HS3ST4: variants seen among roughly 807,000 people sequenced by gnomAD.
The protein encoded by HS3ST4 is heparan sulfate glucosamine 3-O-sulfotransferase 4.
Under a neutral mutation model 29.2 loss-of-function variants are expected in HS3ST4, and 17 were observed. The observed-to-expected ratio is 0.58, with a 90% CI of 0.40 to 0.87. HS3ST4 has a LOEUF of 0.87. Ranked by LOEUF, HS3ST4 falls within the 40% of genes least tolerant of loss-of-function variation. HS3ST4 has a pLI of 0.00. For missense variants in HS3ST4, 627 were observed against 634.5 expected (o/e 0.99, Z 0.13); for synonymous variants, 314 against 285.7 (o/e 1.10, Z -1.00).
chr16:25,870,936 A>G (rs1967745491), intron 1 of HS3ST4, among the ~76,000 whole-genome samples: 1 of 152,196 alleles, frequency 6.6e-6, no homozygotes, highest in East Asian at 1.9e-4. Flanking sequence ...CTGATCCACA[A>G]AGAAAGGAGA....
chr16:25,994,213 A>G (rs960629496), intron 1 of HS3ST4, among the ~76,000 whole-genome samples: 1 of 152,020 alleles, frequency 6.6e-6, no homozygotes, highest in Admixed American at 6.5e-5. Context: ...TAACATCCCC[A>G]TTGCTCTTAG....
intron 1 of HS3ST4, among the ~76,000 whole-genome samples, chr16:26,123,611 G>C (rs2141812052): frequency 6.6e-6 from 1 of 152,322 alleles, no homozygotes; most frequent in East Asian, 1.9e-4. Flanking sequence ...TAGTGCACCT[G>C]TCAGCCGAGC....
intron 1 of HS3ST4, among the ~76,000 whole-genome samples, chr16:25,780,803 G>A (rs1966851934): frequency 6.6e-6 from 1 of 152,100 alleles, no homozygotes; most frequent in Non-Finnish European, 1.5e-5. Flanking sequence ...TAACCACTAG[G>A]TTAAATGAGC....
At chr16:25,906,413 C>T (rs1968181118) in intron 1 of HS3ST4, among the ~76,000 whole-genome samples, 1 of 152,116 alleles carries the variant, frequency 6.6e-6, no homozygotes, top group Admixed American at 6.6e-5. Context: ...TTCATTTGCT[C>T]ATTCATTAAA....
intron 1 of HS3ST4, among the ~76,000 whole-genome samples, chr16:25,712,969 CTGTT>C (rs1280022445): frequency 6.6e-6 from 1 of 152,180 alleles, no homozygotes; most frequent in African/African-American, 2.4e-5. Flanking sequence ...GGTCTTCCCT[CTGTT>C]TGTTTCTGTC....
At chr16:25,946,093 T>C (rs1437351467) in intron 1 of HS3ST4, among the ~76,000 whole-genome samples, 1 of 152,232 alleles carries the variant, frequency 6.6e-6, no homozygotes, top group African/African-American at 2.4e-5. Flanking sequence ...AGCCACTCTT[T>C]CTGCTGTTCA....
chr16:25,970,034 G>A (rs1035002833), intron 1 of HS3ST4, among the ~76,000 whole-genome samples: 29 of 152,222 alleles, frequency 1.9e-4, no homozygotes, highest in African/African-American at 6.3e-4. Flanking sequence ...ATGAATGCAT[G>A]GGGAAATAAA....
At chr16:25,696,577 C>A (rs1217598946) in intron 1 of HS3ST4, among the ~76,000 whole-genome samples, 1 of 152,056 alleles carries the variant, frequency 6.6e-6, no homozygotes, top group Non-Finnish European at 1.5e-5. Flanking sequence ...CGTCTCACTG[C>A]AACCTCCGCC....
chr16:25,922,323 A>G, intron 1 of HS3ST4, among the ~76,000 whole-genome samples: 1 of 152,210 alleles, frequency 6.6e-6, no homozygotes, highest in Non-Finnish European at 1.5e-5. Context: ...CTTAGCAAAG[A>G]GTCCCCAGAA....
intron 1 of HS3ST4, among the ~76,000 whole-genome samples, chr16:26,079,914 T>C (rs1453660388): frequency 1.3e-5 from 2 of 152,190 alleles, no homozygotes; most frequent in African/African-American, 2.4e-5. Context: ...TGGTCAGGCA[T>C]GTTTTGGGGA....
rs142835731 is a variant in HS3ST4, at chr16:26,084,854, C to T, written c.735-50758C>T. On this transcript the variant is annotated intron_variant, in intron 1 of 1. Transcript: ENST00000331351. ...CAAAATTCTGACCTCAAGTGTTCCC[C>T]CTGCCTCAGCCTCCCAAAGTGCAGG... 3.9e-5 allele frequency among the ~76,000 whole-genome samples: 6 copies of T among 152,262 alleles called. No homozygotes were observed. In the East Asian group the frequency reaches 5.8e-4, roughly 15 times the overall value.
chr16:26,072,507 G>A (rs529943304), intron 1 of HS3ST4, among the ~76,000 whole-genome samples: 2 of 152,274 alleles, frequency 1.3e-5, no homozygotes, highest in East Asian at 3.9e-4. Flanking sequence ...TTAAGATGGT[G>A]CCTAAAACAG....
At chr16:25,816,695 A>G (rs1484054490) in intron 1 of HS3ST4, among the ~76,000 whole-genome samples, 2 of 152,136 alleles carry the variant, frequency 1.3e-5, no homozygotes, top group Non-Finnish European at 2.9e-5. Flanking sequence ...AATAAAAGGA[A>G]TTTATCTCTT....
rs757051810 is a variant in HS3ST4 at position 25,856,061 on chromosome 16, A to G, written c.734+162910A>G. Among the ~76,000 whole-genome samples, 31 of 152,014 alleles carry G rather than the reference A, an allele frequency of 2.0e-4. 1 individual carries two copies. Among genetic ancestry groups the G allele is most frequent in the Non-Finnish European group, 3.7e-4 (25 of 68,012 alleles). The stretch of plus-strand genomic sequence containing the variant: ...ACCCTGGATAGGTCTGTTCTCTCCA[A>G]TTCCCCACCAGAGCCACAAGGGACC... On this transcript the variant is annotated intron_variant, in intron 1 of 1. Coordinates refer to ENST00000331351, the MANE Select transcript of HS3ST4 (RefSeq NM_006040.3).
At chr16:25,777,441 G>GTA (rs1555465252) in intron 1 of HS3ST4, among the ~76,000 whole-genome samples, 36 of 151,300 alleles carry the variant, frequency 2.4e-4, no homozygotes, top group African/African-American at 8.4e-4. Flanking sequence ...GTGTGTGTGT[G>GTA]TGTGTGCACG....
Position 26,106,208 on chromosome 16 carries a change from A to G in HS3ST4, c.735-29404A>G, listed in dbSNP as rs530963282. ...CATTCAAGTAAATTTCCCTTTTACAATAGTTGGCCAGAGACATTTCTTGGT... is the reference window on the plus strand; with the variant it reads ...CATTCAAGTAAATTTCCCTTTTACAGTAGTTGGCCAGAGACATTTCTTGGT... On this transcript the variant is annotated intron_variant, in intron 1 of 1. Coordinates refer to ENST00000331351, the MANE Select transcript of HS3ST4 (RefSeq NM_006040.3). Among the ~76,000 whole-genome samples, 7 of 152,246 alleles carry G rather than the reference A, an allele frequency of 4.6e-5. No homozygotes were observed. In the East Asian group the frequency reaches 9.7e-4, roughly 21 times the overall value.
At chr16:25,944,955 G>A (rs374751626) in intron 1 of HS3ST4, among the ~76,000 whole-genome samples, 19 of 151,992 alleles carry the variant, frequency 1.3e-4, no homozygotes, top group African/African-American at 2.4e-4. Flanking sequence ...TGAACAACTC[G>A]ACTTTAAAAA....
chr16:26,053,006 A>G (rs953845771), intron 1 of HS3ST4, among the ~76,000 whole-genome samples: 3 of 152,228 alleles, frequency 2.0e-5, no homozygotes, highest in Non-Finnish European at 4.4e-5. Context: ...AGTTTATTGG[A>G]AAAAGTGAAG....
chr16:26,057,465 C>T (rs541855046), intron 1 of HS3ST4, among the ~76,000 whole-genome samples: 1 of 152,222 alleles, frequency 6.6e-6, no homozygotes, highest in South Asian at 2.1e-4. Flanking sequence ...ACTCTAAAAG[C>T]TGGTGCAGGC....
Sources: allele counts gnomAD v4.1 joint callset (sites outside exome capture counted in the v4.1 genomes callset), GRCh38; gene constraint gnomAD v4.1.1; transcripts MANE v1.5; gene names NCBI Gene and HGNC (gene_info 2026-07-23, HGNC 2026-07-21).